Variants in DNAH10 observed in about 807,000 individuals in gnomAD.
DNAH10 encodes the protein axonemal beta dynein heavy chain 10.
In DNAH10, 348 loss-of-function variants were observed where a neutral mutation model predicts 506.6. The ratio of observed to expected loss-of-function variants is 0.69; its 90% confidence interval spans 0.63 to 0.75. DNAH10 has a LOEUF of 0.75. Among genes scored for constraint, DNAH10 ranks in the 30% least tolerant of loss-of-function variants. The pLI is 0.00. For missense variants in DNAH10, 5,179 were observed against 5,787.1 expected, an observed-to-expected ratio of 0.89 and a Z score of 3.41; for synonymous variants, 2,059 against 2,198.6, an observed-to-expected ratio of 0.94 and a Z score of 1.78.
intron 14 of DNAH10, 67 bp downstream of exon 14, chr12:123,799,438 G>A (rs1958403683): frequency 6.5e-7 from 1 of 1,541,138 alleles, no homozygotes; most frequent in Non-Finnish European, 8.8e-7. Context: ...ATTTTCTCAA[G>A]GCTTGATTTG....
chr12:123,824,908 G>C (rs1175704601), intron 24 of DNAH10, among the ~76,000 whole-genome samples: 1 of 152,118 alleles, frequency 6.6e-6, no homozygotes, highest in African/African-American at 2.4e-5. Flanking sequence ...TGAGGTTCTG[G>C]GTGGACGTGC....
At chr12:123,889,158 C>T (rs1004024321) in intron 52 of DNAH10, among the ~76,000 whole-genome samples, 4 of 152,218 alleles carry the variant, frequency 2.6e-5, no homozygotes, top group African/African-American at 7.2e-5. Flanking sequence ...CCCTCCCTCC[C>T]TGCTTCCGCC....
rs1955059594 is a variant in DNAH10 at position 123,928,784 on chromosome 12, C to A, written c.12306+197C>A. 1.6e-6 allele frequency: 1 copy of A among 630,912 alleles called. No individual in the cohort carries two copies. Among genetic ancestry groups the A allele is most frequent in the South Asian group, 2.0e-5 (1 of 49,768 alleles). 39.1% of individuals were successfully genotyped at this position (630,912 alleles called of 1,614,324 possible). On this transcript the variant is annotated intron_variant, in intron 70 of 78. Coordinates refer to ENST00000673944, the MANE Select transcript of DNAH10 (RefSeq NM_001372106.1). The surrounding 1 kb of genome is among the most constrained non-coding windows in gnomAD (Gnocchi z 4.9). ...GCTGTCCTGGGTTGGGTGTTTGTGA[C>A]TCCCAGGCCTATCTCTACCAATTCT... is the stretch of plus-strand genomic sequence containing the variant.
Position 123,918,674 on chromosome 12 carries a change from A to G in DNAH10, c.11233-2A>G. 1 of 1,543,512 alleles carries G rather than the reference A, an allele frequency of 6.5e-7. No homozygotes were observed. Among genetic ancestry groups the G allele is most frequent in the Non-Finnish European group, 8.7e-7 (1 of 1,143,192 alleles). On this transcript the variant is annotated splice_acceptor_variant, in intron 64 of 78. Coordinates refer to ENST00000673944, the MANE Select transcript of DNAH10 (RefSeq NM_001372106.1). LOFTEE classifies it high-confidence loss of function. ...TCCAGGGTCACCTGTGCTTTTCTTC[A>G]GGTCTCAGAGAAACTCAAGCTGGCG...
chr12:123,845,810 C>T lies in DNAH10; in HGVS notation c.5571C>T (p.Asn1857=), dbSNP rs1950928459. Residue 1857 remains asparagine (N), a synonymous_variant, in exon 31 of 79, where the codon AAC becomes AAT. Coordinates refer to ENST00000673944, the MANE Select transcript of DNAH10 (RefSeq NM_001372106.1). ...GCAAAAACGACAGGAAAAAATACAA[C>T]ACTGTTCTCATCATTGATGTGCATG... The part of the protein sequence containing the change: ...PLSKNDRKKY[N]TVLIIDVHAR... 2.5e-6 allele frequency: 4 copies of T among 1,614,006 alleles called. No individual in the cohort carries two copies. The East Asian group carries it at 8.9e-5, about 36-fold the overall frequency.
chr12:123,835,780 A>G (rs1961074489), intron 28 of DNAH10, among the ~76,000 whole-genome samples: 1 of 152,152 alleles, frequency 6.6e-6, no homozygotes, highest in Non-Finnish European at 1.5e-5. Context: ...ATGTGCTGCC[A>G]TGCTCAGCTA....
intron 34 of DNAH10, among the ~76,000 whole-genome samples, chr12:123,849,319 A>G (rs1004298177): frequency 1.3e-4 from 20 of 152,180 alleles, no homozygotes; most frequent in South Asian, 4.1e-4. Flanking sequence ...AGGATTTGCA[A>G]GGTTATCAAA....
At chr12:123,871,315 G>A (rs1952023793) in intron 44 of DNAH10, 142 bp from the exon 45 acceptor site, 2 of 952,974 alleles carry the variant, frequency 2.1e-6, no homozygotes, top group Non-Finnish European at 3.1e-6. Context: ...CACTTCAATG[G>A]GTGAATGTTT....
intron 52 of DNAH10, among the ~76,000 whole-genome samples, chr12:123,888,844 G>T (rs1024658198): frequency 2.0e-4 from 31 of 152,228 alleles, no homozygotes; most frequent in African/African-American, 7.5e-4. Context: ...TTGTTATCTT[G>T]TCTACCCTGG....
chr12:123,838,496 G>T lies in DNAH10; in HGVS notation c.4943G>T (p.Cys1648Phe). 1.9e-6 allele frequency: 3 copies of T among 1,614,014 alleles called. No individual in the cohort carries two copies. The highest frequency in any genetic ancestry group is 2.5e-6 in the Non-Finnish European group (3 of 1,179,890). Reference protein sequence around the residue: ...ETLKDPVIKRCCEAPNRLSDL... With the variant: ...ETLKDPVIKRFCEAPNRLSDL... The stretch of plus-strand genomic sequence containing the variant: ...TTAAAAGACCCCGTGATCAAGAGGT[G>T]CTGTGAAGCCCCAAACCGCCTCAGT... Residue 1648 changes from cysteine to phenylalanine, a missense_variant, in exon 29 of 79, where the codon TGC (cysteine) becomes TTC (phenylalanine). Physicochemically the swap from Cys to Phe is radical, Grantham distance 205. This residue lies in a region of DNAH10 where 4,844 missense variants were observed against 5,430.5 expected (regional missense o/e 0.89). Transcript: ENST00000673944.
chr12:123,871,107 A>C (rs945386560), intron 44 of DNAH10, among the ~76,000 whole-genome samples: 3 of 152,166 alleles, frequency 2.0e-5, no homozygotes, highest in African/African-American at 7.2e-5. Flanking sequence ...CTGTGGCTTC[A>C]CTGTCTCTTC....
At chr12:123,869,771 C>A (rs1951954927) in intron 43 of DNAH10, among the ~76,000 whole-genome samples, 1 of 152,200 alleles carries the variant, frequency 6.6e-6, no homozygotes, top group African/African-American at 2.4e-5. Flanking sequence ...TCAGTCTCCG[C>A]CTCTCTACCA....
At chr12:123,897,260 T>A (rs1342967187) in intron 54 of DNAH10, among the ~76,000 whole-genome samples, 1 of 152,240 alleles carries the variant, frequency 6.6e-6, no homozygotes, top group Non-Finnish European at 1.5e-5. Flanking sequence ...GCTGGACGCT[T>A]GGGTCTTTCC....
intron 19 of DNAH10, among the ~76,000 whole-genome samples, chr12:123,809,185 C>T (rs1260763729): frequency 6.6e-6 from 1 of 152,190 alleles, no homozygotes; most frequent in Non-Finnish European, 1.5e-5. Context: ...CCCAGCCCTG[C>T]CCGGCTCACA....
At chr12:123,854,016 G>A (rs1342291297) in intron 36 of DNAH10, among the ~76,000 whole-genome samples, 4 of 149,834 alleles carry the variant, frequency 2.7e-5, no homozygotes, top group Non-Finnish European at 4.4e-5. Flanking sequence ...GTGTCCATAG[G>A]AGGAGAGGCT....
At chr12:123,871,658 A>T in intron 45 of DNAH10, 56 bp downstream of exon 45, 1 of 1,521,904 alleles carries the variant, frequency 6.6e-7, no homozygotes, top group Non-Finnish European at 8.8e-7. Context: ...ATTCCAGTGC[A>T]TAGCAGCTTC....
At position 123,910,619 on chromosome 12, in the gene DNAH10, G is replaced by A. The variant is rs773743697; in HGVS notation, c.10081G>A (p.Ala3361Thr). 1 of 1,612,140 alleles carries A rather than the reference G, an allele frequency of 6.2e-7. No individual in the cohort carries two copies. The highest frequency in any genetic ancestry group is 8.5e-7 in the Non-Finnish European group (1 of 1,179,846). The change falls in exon 59 of 79, where the codon GCT becomes ACT. Residue 3361 changes from alanine to threonine, a missense_variant. Physicochemically the swap from Ala to Thr is moderately conservative, Grantham distance 58 (BLOSUM62 0). Around this residue, in one of 3 missense-constraint regions of DNAH10, gnomAD observed 4,844 missense variants for 5,430.5 expected, o/e 0.89. Transcript: ENST00000673944. Reference sequence around the variant, plus strand: ...GCTGGGGATGCTGAAATTTGTTGAAGCTGTAATGGGCTACTGTGATGTTTT... The same window carrying A: ...GCTGGGGATGCTGAAATTTGTTGAAACTGTAATGGGCTACTGTGATGTTTT... ...AGLGMLKFVE[A>T]VMGYCDVFRE...
rs905498671 is a variant in DNAH10, at chr12:123,907,605, C to T, written c.9816-1656C>T. 3.4e-4 allele frequency among the ~76,000 whole-genome samples: 52 copies of T among 152,176 alleles called. No homozygotes were observed. The highest frequency in any genetic ancestry group is 3.1e-3 in the Admixed American group (47 of 15,290). On this transcript the variant is annotated intron_variant, in intron 57 of 78. Transcript: ENST00000673944. The surrounding 1 kb of genome is among the most constrained non-coding windows in gnomAD (Gnocchi z 4.4). ...TGGGAACTGGAAGGTTCCAGTTCTG[C>T]GTCTCTACTTCACAGATGGGGAAAC...
At position 123,787,895 on chromosome 12, in the gene DNAH10, A is replaced by G; in HGVS notation, c.1513A>G (p.Ile505Val). ...KKAYFDTRAK[I>V]EASGREDRWE... ...GGCCTATTTTGACACCCGGGCCAAGATAGAGGCTTCGGGGAGGGAAGATCG... is the reference window on the plus strand; with the variant it reads ...GGCCTATTTTGACACCCGGGCCAAGGTAGAGGCTTCGGGGAGGGAAGATCG... Residue 505 changes from isoleucine to valine, a missense_variant, in exon 10 of 79, where the codon ATA (isoleucine) becomes GTA (valine). Ile to Val is a conservative substitution (Grantham distance 29). Transcript: ENST00000673944. This position sits in a 1 kb window ranked among gnomAD's most constrained non-coding sequence, Gnocchi z 4.6. 6.2e-7 allele frequency: 1 copy of G among 1,613,492 alleles called. No homozygotes were observed. Among genetic ancestry groups the G allele is most frequent in the Non-Finnish European group, 8.5e-7 (1 of 1,179,782 alleles).
Sources: gnomAD v4.1 joint callset for allele counts (sites outside exome capture counted in the v4.1 genomes callset) on GRCh38, gnomAD v4.1.1 for gene constraint, gnomAD v4.1.1 regional missense constraint, Gnocchi (gnomAD v3.1) non-coding constraint, MANE v1.5 for transcripts, NCBI Gene and HGNC (gene_info 2026-07-23, HGNC 2026-07-21) for gene names.